DPP10: variants seen among roughly 807,000 people sequenced by gnomAD.
DPP10 encodes the protein dipeptidyl peptidase like 10.
In DPP10, 33 loss-of-function variants were observed where a neutral mutation model predicts 120.9. The ratio of observed to expected loss-of-function variants is 0.27; its 90% CI spans 0.21 to 0.37. DPP10 has a LOEUF of 0.37. Ranked by LOEUF, DPP10 falls within the 10% of genes least tolerant of loss-of-function variation. The probability of loss-of-function intolerance (pLI) is 1.00; values close to 1 mark genes in which losing one functional copy is unlikely to be tolerated. For synonymous variants in DPP10, 337 were observed against 326.1 expected (o/e 1.03, Z -0.36); for missense variants, 816 against 942.8 (o/e 0.87, Z 1.76).
chr2:115,610,172 G>C (rs2083993201), intron 5 of DPP10, among the ~76,000 whole-genome samples: 1 of 152,078 alleles, frequency 6.6e-6, no homozygotes, highest in Non-Finnish European at 1.5e-5. Context: ...AAGTGACTCA[G>C]TCACATGGAT....
intron 1 of DPP10, among the ~76,000 whole-genome samples, chr2:114,592,822 T>C (rs1691574890): frequency 6.6e-6 from 1 of 152,198 alleles, no homozygotes. Context: ...ACTACTTTTA[T>C]GGTGAACACT....
At chr2:114,512,526 A>G (rs1314981604) in intron 1 of DPP10, among the ~76,000 whole-genome samples, 1 of 152,204 alleles carries the variant, frequency 6.6e-6, no homozygotes, top group African/African-American at 2.4e-5. Context: ...TCTCATCTGT[A>G]AAACTGGGCA....
chr2:115,109,413 G>A (rs1305549736), intron 1 of DPP10, among the ~76,000 whole-genome samples: 3 of 152,120 alleles, frequency 2.0e-5, no homozygotes, highest in Non-Finnish European at 4.4e-5. Context: ...GCGGGCGCCT[G>A]TAGTCCCAGC....
chr2:115,615,613 TA>T (rs774522760), intron 5 of DPP10, among the ~76,000 whole-genome samples: 6 of 152,162 alleles, frequency 3.9e-5, no homozygotes, highest in Non-Finnish European at 7.4e-5. Flanking sequence ...AAATAAAATA[TA>T]AAAACAATTG....
chr2:114,955,666 C>T (rs1398952966), intron 1 of DPP10, among the ~76,000 whole-genome samples: 1 of 152,168 alleles, frequency 6.6e-6, no homozygotes, highest in Non-Finnish European at 1.5e-5. Flanking sequence ...AGGCCAATAA[C>T]CCTGATAAAC....
chr2:114,642,566 T>A (rs1225987082), intron 1 of DPP10, among the ~76,000 whole-genome samples: 2 of 151,928 alleles, frequency 1.3e-5, no homozygotes, highest in Non-Finnish European at 2.9e-5. Context: ...GTAAGTAAGC[T>A]GCTGTATGTG....
Position 114,974,054 on chromosome 2 carries a change from A to G in DPP10, c.61-335185A>G, listed in dbSNP as rs1023184937. On this transcript the variant is annotated intron_variant, in intron 1 of 25. Transcript: ENST00000410059. ...GAAAGTTAAAAAATTTAGTTTATAA[A>G]GTAAAAAACTGCAGTAAGCTAAGGT... Among the ~76,000 whole-genome samples the G allele has an allele frequency of 2.3e-4, 35 of 152,188 alleles. 1 individual carries two copies. Among genetic ancestry groups the G allele is most frequent in the African/African-American group, 6.3e-4 (26 of 41,564 alleles).
At chr2:115,407,160 C>G (rs777307171) in intron 3 of DPP10, among the ~76,000 whole-genome samples, 1 of 152,204 alleles carries the variant, frequency 6.6e-6, no homozygotes, top group Non-Finnish European at 1.5e-5. Flanking sequence ...TCCTGAGCCT[C>G]TACCCTGTCT....
chr2:114,765,166 A>T (rs1243892780), intron 1 of DPP10, among the ~76,000 whole-genome samples: 1 of 152,092 alleles, frequency 6.6e-6, no homozygotes, highest in Non-Finnish European at 1.5e-5. Flanking sequence ...CTACCTTTTG[A>T]CCATTATCAA....
chr2:115,777,392 A>T, intron 14 of DPP10, 93 bp downstream of exon 14: 1 of 1,079,800 alleles, frequency 9.3e-7, no homozygotes, highest in South Asian at 1.5e-5. Flanking sequence ...CCATAGTCCT[A>T]GTCAAAACAA....
At chr2:115,238,888 GTC>G (rs1483007497) in intron 1 of DPP10, among the ~76,000 whole-genome samples, 3 of 152,034 alleles carry the variant, frequency 2.0e-5, no homozygotes, top group Non-Finnish European at 4.4e-5. Context: ...CGATCACAAG[GTC>G]CCATCATAGG....
chr2:114,887,930 G>A (rs1009366614), intron 1 of DPP10, among the ~76,000 whole-genome samples: 6 of 152,100 alleles, frequency 3.9e-5, no homozygotes, highest in Admixed American at 2.0e-4. Flanking sequence ...ACGAGGTCAG[G>A]AGATCGAGAC....
At chr2:114,539,156 T>C (rs1052131654) in intron 1 of DPP10, among the ~76,000 whole-genome samples, 2 of 148,686 alleles carry the variant, frequency 1.3e-5, no homozygotes, top group African/African-American at 4.9e-5. Context: ...AATTATGTTA[T>C]ATTACATGTT....
chr2:114,793,059 G>A (rs1683388501), intron 1 of DPP10, among the ~76,000 whole-genome samples: 1 of 150,218 alleles, frequency 6.7e-6, no homozygotes, highest in Non-Finnish European at 1.5e-5. Flanking sequence ...TTTATTTGAT[G>A]CTCATATTTT....
intron 1 of DPP10, among the ~76,000 whole-genome samples, chr2:115,158,437 C>T (rs72837545): frequency 0.012 from 1,881 of 152,200 alleles, 17 homozygotes; most frequent in Non-Finnish European, 0.02. Context: ...GCTTCAGAAA[C>T]CCAAATGAAT....
At chr2:115,440,623 C>G (rs924135286) in intron 3 of DPP10, among the ~76,000 whole-genome samples, 4 of 152,138 alleles carry the variant, frequency 2.6e-5, no homozygotes, top group African/African-American at 9.7e-5. Flanking sequence ...ACTTTTATAC[C>G]TAGGTTTAGG....
intron 1 of DPP10, among the ~76,000 whole-genome samples, chr2:114,950,868 T>C (rs1049818743): frequency 1.3e-5 from 2 of 152,198 alleles, no homozygotes; most frequent in Non-Finnish European, 2.9e-5. Flanking sequence ...TTTCTGGTAA[T>C]GAGGGCCCCT....
intron 1 of DPP10, among the ~76,000 whole-genome samples, chr2:114,753,139 C>T (rs937106892): frequency 1.3e-5 from 2 of 152,116 alleles, no homozygotes; most frequent in African/African-American, 2.4e-5. Flanking sequence ...GTAAAACACT[C>T]CACACTCCCA....
At chr2:114,825,574 C>G (rs765494055) in intron 1 of DPP10, among the ~76,000 whole-genome samples, 1 of 152,144 alleles carries the variant, frequency 6.6e-6, no homozygotes, top group Non-Finnish European at 1.5e-5. Context: ...ACTTTCTTAT[C>G]AGCTTAGGCA....
Sources: gnomAD v4.1 joint callset for allele counts (sites outside exome capture counted in the v4.1 genomes callset) on GRCh38, gnomAD v4.1.1 for gene constraint, MANE v1.5 for transcripts, NCBI Gene and HGNC (gene_info 2026-07-23, HGNC 2026-07-21) for gene names.